ADAMTS2: variants seen among roughly 807,000 people sequenced by gnomAD.
ADAMTS2 encodes the protein A disintegrin and metalloproteinase with thrombospondin motifs 2.
In ADAMTS2, 50 loss-of-function variants were observed where a neutral mutation model predicts 123.0. The observed-to-expected ratio is 0.41, with a 90% CI of 0.32 to 0.51. The LOEUF is 0.51. Among genes scored for constraint, ADAMTS2 ranks in the 20% least tolerant of loss-of-function variants. The pLI, the probability that ADAMTS2 is intolerant of heterozygous loss-of-function variation, is 0.35. For missense variants in ADAMTS2, 1,494 were observed against 1,705.2 expected (o/e 0.88, Z 2.18); for synonymous variants, 678 against 695.4 (o/e 0.98, Z 0.39).
rs888760 is a variant in ADAMTS2, at chr5:179,112,281, T to C, written c.*1586A>G. On this transcript the variant is annotated 3_prime_UTR_variant, in exon 22 of 22. Transcript: ENST00000251582. Reference sequence around the variant, plus strand: ...CTAGAAGTTTCTTAAACAGGAAAGGTTTAAGAATTATGTGTCAGGCTGAGC... The same window carrying C: ...CTAGAAGTTTCTTAAACAGGAAAGGCTTAAGAATTATGTGTCAGGCTGAGC... 0.25 allele frequency: 37,407 copies of C among 151,998 alleles called. 5,456 individuals are homozygous for C. Among genetic ancestry groups the C allele is most frequent in the South Asian group, 0.38 (1,804 of 4,808 alleles). 9.4% of individuals were successfully genotyped at this position (151,998 alleles called of 1,614,324 possible).
rs550300875 is a variant in ADAMTS2, at chr5:179,260,983, C to T, written c.688+11928G>A. The stretch of plus-strand genomic sequence containing the variant: ...CTCGGTGAATGGGCATGTCCTTGAA[C>T]GCAAACTTGGCTCCAACGGGGCAGG... On this transcript the variant is annotated intron_variant, in intron 3 of 21. Coordinates refer to ENST00000251582, the MANE Select transcript of ADAMTS2 (RefSeq NM_014244.5). The surrounding 1 kb of genome is among the most constrained non-coding windows in gnomAD (Gnocchi z 4.2). Among the ~76,000 whole-genome samples the T allele has an allele frequency of 3.9e-5, 6 of 152,116 alleles. No homozygotes were observed. Among genetic ancestry groups the T allele is most frequent in the African/African-American group, 1.2e-4 (5 of 41,424 alleles).
chr5:179,138,056 G>T, intron 11 of ADAMTS2, 112 bp from the exon 12 acceptor site: 3 of 1,253,174 alleles, frequency 2.4e-6, no homozygotes, highest in South Asian at 2.6e-5. Context: ...GTGTCCGGGG[G>T]GCAGCTCTGC....
At position 179,259,110 on chromosome 5, in the gene ADAMTS2, C is replaced by T. The variant is rs559850948; in HGVS notation, c.688+13801G>A. On this transcript the variant is annotated intron_variant, in intron 3 of 21. Transcript: ENST00000251582. The stretch of plus-strand genomic sequence containing the variant: ...AGCCCCTCCTCCACGACGGAGCCCA[C>T]AGAAGCCATCGTGATCTGACCTCCA... 1.1e-4 allele frequency among the ~76,000 whole-genome samples: 17 copies of T among 152,268 alleles called. No homozygotes were observed. The South Asian group carries it at 3.3e-3, about 30-fold the overall frequency.
intron 2 of ADAMTS2, among the ~76,000 whole-genome samples, chr5:179,334,638 T>C (rs1416107937): frequency 6.6e-6 from 1 of 152,184 alleles, no homozygotes; most frequent in Non-Finnish European, 1.5e-5. Context: ...ACGGTGCAGA[T>C]TGGAGATGAG....
chr5:179,313,173 G>C (rs1289256708), intron 2 of ADAMTS2, among the ~76,000 whole-genome samples: 3 of 152,182 alleles, frequency 2.0e-5, no homozygotes, highest in Non-Finnish European at 2.9e-5. Context: ...CTCAGGAGTG[G>C]CCTGTGAAGA....
intron 3 of ADAMTS2, among the ~76,000 whole-genome samples, chr5:179,216,335 G>A (rs974380481): frequency 1.3e-5 from 2 of 152,230 alleles, no homozygotes; most frequent in African/African-American, 4.8e-5. Flanking sequence ...CTAGGTTCTT[G>A]GCAGTACTTG....
chr5:179,153,987 C>A, intron 8 of ADAMTS2, 62 bp downstream of exon 8: 2 of 1,555,554 alleles, frequency 1.3e-6, no homozygotes, highest in Admixed American at 1.9e-5. Context: ...GGGACTTGCA[C>A]CCTCCCAGAG....
At chr5:179,274,460 G>A (rs1243638006) in intron 2 of ADAMTS2, among the ~76,000 whole-genome samples, 3 of 152,238 alleles carry the variant, frequency 2.0e-5, no homozygotes, top group Non-Finnish European at 2.9e-5. Flanking sequence ...GGCGCTGGCC[G>A]GGGTCCCCTG....
intron 2 of ADAMTS2, among the ~76,000 whole-genome samples, chr5:179,316,229 A>G (rs1756996040): frequency 6.6e-6 from 1 of 152,214 alleles, no homozygotes; most frequent in Non-Finnish European, 1.5e-5. Context: ...AAGAATTCAA[A>G]GGCTCTTGCC....
chr5:179,167,350 C>T (rs1763723580), intron 5 of ADAMTS2, among the ~76,000 whole-genome samples: 1 of 152,064 alleles, frequency 6.6e-6, no homozygotes, highest in Non-Finnish European at 1.5e-5. Flanking sequence ...TCCGCGGCCG[C>T]ACCCGGGCTC....
intron 2 of ADAMTS2, among the ~76,000 whole-genome samples, chr5:179,342,827 C>T (rs191321460): frequency 1.3e-5 from 2 of 152,352 alleles, no homozygotes; most frequent in African/African-American, 4.8e-5. Context: ...CCTCCTCCCT[C>T]AGCATCGATC....
chr5:179,275,981 A>T (rs994657196), intron 2 of ADAMTS2, among the ~76,000 whole-genome samples: 1 of 151,632 alleles, frequency 6.6e-6, no homozygotes, highest in Non-Finnish European at 1.5e-5. Context: ...CCTAGGAGGC[A>T]GTGGTAACCA....
At chr5:179,148,287 C>T (rs1763288539) in intron 10 of ADAMTS2, among the ~76,000 whole-genome samples, 1 of 152,170 alleles carries the variant, frequency 6.6e-6, no homozygotes, top group Non-Finnish European at 1.5e-5. Context: ...CCAGATCCCT[C>T]TTCAGGACCA....
intron 4 of ADAMTS2, among the ~76,000 whole-genome samples, chr5:179,194,619 A>G (rs994263179): frequency 1.3e-5 from 2 of 152,108 alleles, no homozygotes; most frequent in African/African-American, 4.8e-5. Flanking sequence ...TCTTCAGGCC[A>G]GACAGTAGGG....
At position 179,292,982 on chromosome 5, in the gene ADAMTS2, C is replaced by T. The variant is rs948091140; in HGVS notation, c.535-19918G>A. On this transcript the variant is annotated intron_variant, in intron 2 of 21. Coordinates refer to ENST00000251582, the MANE Select transcript of ADAMTS2 (RefSeq NM_014244.5). ...TTTTCCTAGAGGTTGTCAGGAGCTACGCTGGCCGGTCCCCTGGGCTTGGGA... is the reference window on the plus strand; with the variant it reads ...TTTTCCTAGAGGTTGTCAGGAGCTATGCTGGCCGGTCCCCTGGGCTTGGGA... 8.5e-5 allele frequency among the ~76,000 whole-genome samples: 13 copies of T among 152,160 alleles called. 1 individual carries two copies. The highest frequency in any genetic ancestry group is 1.7e-4 in the African/African-American group (7 of 41,436).
intron 2 of ADAMTS2, among the ~76,000 whole-genome samples, chr5:179,322,214 C>T (rs1561743531): frequency 6.6e-6 from 1 of 152,322 alleles, no homozygotes; most frequent in South Asian, 2.1e-4. Context: ...AAGTTGCCAG[C>T]CATCGTGAGT....
chr5:179,260,457 C>T lies in ADAMTS2; in HGVS notation c.688+12454G>A, dbSNP rs146815439. 6.2e-4 allele frequency among the ~76,000 whole-genome samples: 94 copies of T among 152,260 alleles called. No individual in the cohort carries two copies. Among genetic ancestry groups the T allele is most frequent in the African/African-American group, 2.1e-3 (89 of 41,548 alleles). ...CTCGCTGGGCCCCAGTTTCTGCAGC[C>T]GTTAAGTGGAGTTCCAGGCCTTGGT... On this transcript the variant is annotated intron_variant, in intron 3 of 21. Coordinates refer to ENST00000251582, the MANE Select transcript of ADAMTS2 (RefSeq NM_014244.5). This position sits in a 1 kb window ranked among gnomAD's most constrained non-coding sequence, Gnocchi z 4.2.
intron 1 of ADAMTS2, among the ~76,000 whole-genome samples, chr5:179,344,798 G>A (rs1227065199): frequency 6.6e-6 from 1 of 152,024 alleles, no homozygotes; most frequent in Non-Finnish European, 1.5e-5. Flanking sequence ...CCAATCCTTA[G>A]GGCCCAAGGC....
At position 179,314,720 on chromosome 5, in the gene ADAMTS2, T is replaced by C. The variant is rs1756936109; in HGVS notation, c.534+29047A>G. 6.6e-6 allele frequency among the ~76,000 whole-genome samples: 1 copy of C among 152,144 alleles called. No homozygotes were observed. The highest frequency in any genetic ancestry group is 1.5e-5 in the Non-Finnish European group (1 of 68,024). On this transcript the variant is annotated intron_variant, in intron 2 of 21. Coordinates refer to ENST00000251582, the MANE Select transcript of ADAMTS2 (RefSeq NM_014244.5). This position sits in a 1 kb window ranked among gnomAD's most constrained non-coding sequence, Gnocchi z 4.5. The stretch of plus-strand genomic sequence containing the variant: ...CTTCCACGCTCTTCCACCAAGCCCT[T>C]GTAGCCTTCCTGCACCCAGGTGGGG...
Sources: allele counts gnomAD v4.1 joint callset (sites outside exome capture counted in the v4.1 genomes callset), GRCh38; gene constraint gnomAD v4.1.1; non-coding constraint Gnocchi (gnomAD v3.1); transcripts MANE v1.5; gene names NCBI Gene and HGNC (gene_info 2026-07-23, HGNC 2026-07-21).